The following ADAMTSL1 variants were observed in gnomAD, a reference collection of about 807,000 sequenced individuals.
The protein encoded by ADAMTSL1 is ADAMTS-like protein 1.
A neutral mutation model predicts 201.8 loss-of-function variants in ADAMTSL1; 126 were observed. The ratio of observed to expected loss-of-function variants is 0.62; its 90% CI spans 0.54 to 0.72. The LOEUF (loss-of-function observed/expected upper bound fraction) is 0.72. ADAMTSL1 is among the 30% of genes least tolerant of loss of function. ADAMTSL1 has a pLI of 0.00. For synonymous variants in ADAMTSL1, 1,121 were observed against 903.4 expected, an observed-to-expected ratio of 1.24 and a Z score of -4.32; for missense variants, 2,679 against 2,277.8, an observed-to-expected ratio of 1.18 and a Z score of -3.59.
intron 4 of ADAMTSL1, among the ~76,000 whole-genome samples, chr9:18,603,232 A>G (rs1824776110): frequency 6.6e-6 from 1 of 152,126 alleles, no homozygotes; most frequent in Non-Finnish European, 1.5e-5. Flanking sequence ...GTACCATTTT[A>G]CAGGTGAAGA....
chr9:17,933,444 A>T (rs1826881687), intron 1 of ADAMTSL1, among the ~76,000 whole-genome samples: 1 of 152,110 alleles, frequency 6.6e-6, no homozygotes, highest in African/African-American at 2.4e-5. Context: ...TATTTTTGGG[A>T]GTCTCATCAG....
intron 2 of ADAMTSL1, among the ~76,000 whole-genome samples, chr9:18,200,344 T>G (rs1829386778): frequency 6.6e-6 from 1 of 152,090 alleles, no homozygotes; most frequent in African/African-American, 2.4e-5. Context: ...ATTATTATAC[T>G]CTTATTCTAT....
At chr9:18,291,741 TCTCTCTCACACACA>T (rs1238282902) in intron 2 of ADAMTSL1, among the ~76,000 whole-genome samples, 7 of 124,204 alleles carry the variant, frequency 5.6e-5, no homozygotes, top group African/African-American at 2.1e-4. Flanking sequence ...TCTCTCTCTC[TCTCTCTCACACACA>T]CACACACACA....
At chr9:18,868,316 T>G (rs1827669993) in intron 23 of ADAMTSL1, among the ~76,000 whole-genome samples, 1 of 152,248 alleles carries the variant, frequency 6.6e-6, no homozygotes, top group Admixed American at 6.5e-5. Context: ...CGACTGATTT[T>G]TGTCCTCATT....
At position 18,747,882 on chromosome 9, in the gene ADAMTSL1, C is replaced by T. The variant is rs145109429; in HGVS notation, c.2007-5416C>T. Among the ~76,000 whole-genome samples, 512 of 152,198 alleles carry T rather than the reference C, an allele frequency of 3.4e-3. 4 individuals are homozygous for T. The highest frequency in any genetic ancestry group is 0.012 in the African/African-American group (491 of 41,548). On this transcript the variant is annotated intron_variant, in intron 15 of 28. Coordinates refer to ENST00000380548, the MANE Select transcript of ADAMTSL1 (RefSeq NM_001040272.6). Reference sequence around the variant, plus strand: ...CAGCACTGTCCGGGAAACAAAGTGGCAATTAGGAAGCCAAGCTGAAAGCTT... The same window carrying T: ...CAGCACTGTCCGGGAAACAAAGTGGTAATTAGGAAGCCAAGCTGAAAGCTT...
At chr9:18,682,036 T>C (rs1830533512) in intron 12 of ADAMTSL1, 77 bp downstream of exon 12, 9 of 1,444,204 alleles carry the variant, frequency 6.2e-6, no homozygotes, top group Middle Eastern at 1.8e-4. Context: ...CCTTGGAATA[T>C]TTTTAAGTAT....
intron 1 of ADAMTSL1, among the ~76,000 whole-genome samples, chr9:18,033,644 C>T (rs1821071146): frequency 6.6e-6 from 1 of 152,198 alleles, no homozygotes; most frequent in Non-Finnish European, 1.5e-5. Context: ...AATCTCTCAA[C>T]TTGGTACTCC....
intron 2 of ADAMTSL1, among the ~76,000 whole-genome samples, chr9:18,440,385 A>C (rs904518702): frequency 6.6e-6 from 1 of 152,040 alleles, no homozygotes; most frequent in Non-Finnish European, 1.5e-5. Context: ...AAATACTACT[A>C]TAAATATAGG....
At chr9:18,039,334 A>C (rs1821338769) in intron 1 of ADAMTSL1, among the ~76,000 whole-genome samples, 2 of 152,192 alleles carry the variant, frequency 1.3e-5, no homozygotes, top group South Asian at 4.1e-4. Flanking sequence ...CAGATTAAAG[A>C]CATATTACTG....
chr9:18,852,024 G>A (rs1036543732), intron 23 of ADAMTSL1, among the ~76,000 whole-genome samples: 1 of 152,152 alleles, frequency 6.6e-6, no homozygotes, highest in Non-Finnish European at 1.5e-5. Context: ...TCACCTAATG[G>A]TTGCGTGACA....
intron 2 of ADAMTSL1, among the ~76,000 whole-genome samples, chr9:18,465,137 G>A (rs1055143668): frequency 3.9e-5 from 6 of 152,152 alleles, no homozygotes; most frequent in South Asian, 2.1e-4. Flanking sequence ...TACACTGGCC[G>A]TTAATCAAAG....
intron 5 of ADAMTSL1, among the ~76,000 whole-genome samples, chr9:18,633,589 C>A (rs923647444): frequency 6.7e-6 from 1 of 149,078 alleles, no homozygotes; most frequent in African/African-American, 2.5e-5. Context: ...AGTGAGACTC[C>A]ATCTCAAAAA....
intron 1 of ADAMTSL1, 62 bp downstream of exon 1, chr9:18,474,357 G>C (rs1821346769): frequency 2.0e-6 from 3 of 1,533,802 alleles, no homozygotes. Flanking sequence ...TGTTGGGGGT[G>C]TGTGTGTGTA....
At chr9:18,149,549 G>A (rs1014304476) in intron 1 of ADAMTSL1, among the ~76,000 whole-genome samples, 2 of 152,008 alleles carry the variant, frequency 1.3e-5, no homozygotes, top group Non-Finnish European at 2.9e-5. Flanking sequence ...GAGTGTGTTA[G>A]AAAAGCATCA....
chr9:18,484,884 G>A (rs149905312), intron 1 of ADAMTSL1, among the ~76,000 whole-genome samples: 2 of 152,300 alleles, frequency 1.3e-5, no homozygotes, highest in Admixed American at 1.3e-4. Flanking sequence ...TGGTTGGCAG[G>A]TAGGTAGGAG....
chr9:17,937,892 C>T (rs1418564708), intron 1 of ADAMTSL1, among the ~76,000 whole-genome samples: 1 of 152,062 alleles, frequency 6.6e-6, no homozygotes, highest in Non-Finnish European at 1.5e-5. Flanking sequence ...TTAATTGTGA[C>T]ATGGTACACC....
At chr9:17,986,955 T>C (rs992518066) in intron 1 of ADAMTSL1, among the ~76,000 whole-genome samples, 3 of 152,110 alleles carry the variant, frequency 2.0e-5, no homozygotes, top group Non-Finnish European at 4.4e-5. Context: ...CTTATAGCCA[T>C]TTTAGTGTTT....
At chr9:18,673,406 T>C (rs1265357135) in intron 9 of ADAMTSL1, among the ~76,000 whole-genome samples, 2 of 152,214 alleles carry the variant, frequency 1.3e-5, no homozygotes, top group African/African-American at 4.8e-5. Flanking sequence ...TTTGATAGCT[T>C]TCTGTTTTCA....
intron 1 of ADAMTSL1, among the ~76,000 whole-genome samples, chr9:17,914,906 A>C (rs550232486): frequency 2.0e-5 from 3 of 152,168 alleles, no homozygotes; most frequent in Non-Finnish European, 4.4e-5. Context: ...AAACCAACTA[A>C]AATTCTTGAA....
Sources: allele counts gnomAD v4.1 joint callset (sites outside exome capture counted in the v4.1 genomes callset), GRCh38; gene constraint gnomAD v4.1.1; transcripts MANE v1.5; gene names NCBI Gene and HGNC (gene_info 2026-07-23, HGNC 2026-07-21).